Variants in SPATS2 observed in about 807,000 individuals in gnomAD.
SPATS2 encodes the protein spermatogenesis associated serine rich 2.
Under a neutral mutation model 63.7 loss-of-function variants are expected in SPATS2, and 38 were observed. That is an observed-to-expected ratio of 0.60 (90% CI 0.46 to 0.78). The LOEUF (loss-of-function observed/expected upper bound fraction) is 0.78. Among genes scored for constraint, SPATS2 ranks in the 30% least tolerant of loss-of-function variants. The probability of loss-of-function intolerance (pLI) is 0.00; values close to 1 mark genes in which losing one functional copy is unlikely to be tolerated. For synonymous variants in SPATS2, 207 were observed against 232.9 expected (o/e 0.89, Z 1.01); for missense variants, 588 against 666.2 (o/e 0.88, Z 1.29).
At chr12:49,512,142 G>A (rs769128455) in intron 9 of SPATS2, among the ~76,000 whole-genome samples, 1 of 151,962 alleles carries the variant, frequency 6.6e-6, no homozygotes, top group Non-Finnish European at 1.5e-5. Flanking sequence ...ATTCATTTTT[G>A]TATTTTAAAG....
At chr12:49,479,421 G>A (rs897049264) in intron 3 of SPATS2, among the ~76,000 whole-genome samples, 1 of 152,240 alleles carries the variant, frequency 6.6e-6, no homozygotes, top group African/African-American at 2.4e-5. Flanking sequence ...AGCCAGACAA[G>A]CAGGAGCAGG....
At position 49,494,408 on chromosome 12, in the gene SPATS2, T is replaced by C. The variant is rs141569325; in HGVS notation, c.265-333T>C. The stretch of plus-strand genomic sequence containing the variant: ...TTCTATGGGATTATTTTGCTTTTTC[T>C]GAGAACTCTGTATATATTTAGCTCT... On this transcript the variant is annotated intron_variant, in intron 6 of 13. Transcript: ENST00000552918. Among the ~76,000 whole-genome samples, 414 of 152,360 alleles carry C rather than the reference T, an allele frequency of 2.7e-3. 7 individuals carry two copies. Among genetic ancestry groups the C allele is most frequent in the Admixed American group, 0.026 (397 of 15,300 alleles).
chr12:49,474,322 G>T (rs1946084713), intron 3 of SPATS2, among the ~76,000 whole-genome samples: 1 of 152,168 alleles, frequency 6.6e-6, no homozygotes, highest in South Asian at 2.1e-4. Context: ...TAAGAAAAAA[G>T]AATCTGACAG....
chr12:49,405,908 A>T (rs773400758), intron 2 of SPATS2, among the ~76,000 whole-genome samples: 1 of 152,210 alleles, frequency 6.6e-6, no homozygotes, highest in South Asian at 2.1e-4. Flanking sequence ...TTTTGCATAC[A>T]GTTTCTTCCA....
intron 2 of SPATS2, among the ~76,000 whole-genome samples, chr12:49,430,332 C>A (rs1945163849): frequency 6.6e-6 from 1 of 151,830 alleles, no homozygotes; most frequent in Non-Finnish European, 1.5e-5. Flanking sequence ...GAACCCCTGA[C>A]CTGAAATGAT....
At chr12:49,460,627 T>C (rs1945805981) in intron 2 of SPATS2, 143 bp from the exon 3 acceptor site, 1 of 180,736 alleles carries the variant, frequency 5.5e-6, no homozygotes, top group Non-Finnish European at 1.1e-5. Flanking sequence ...AATTCTGCTT[T>C]TCAGCAGCTA....
At position 49,526,070 on chromosome 12, in the gene SPATS2, G is replaced by C. The variant is rs142325466; in HGVS notation, c.1453G>C (p.Gly485Arg). 108 of 1,614,102 alleles carry C rather than the reference G, an allele frequency of 6.7e-5. No individual in the cohort carries two copies. Among genetic ancestry groups the C allele is most frequent in the Admixed American group, 1.0e-4 (6 of 60,012 alleles). ...CAGAAACAGCTCGTGGTATTCATCT[G>C]GTTCCAGGTATCAGAGTGCTCCATC... ...RYRNSSWYSS[G>R]SRYQSAPSQA... Residue 485 changes from glycine (G) to arginine (R), a missense_variant, in exon 14 of 14, where the codon GGT becomes CGT. By Grantham distance (125) the Gly-to-Arg change is moderately radical (BLOSUM62 -2). Transcript: ENST00000552918.
chr12:49,389,650 G>A, intron 2 of SPATS2: 10 of 1,289,102 alleles, frequency 7.8e-6, no homozygotes, highest in Non-Finnish European at 1.0e-5. Context: ...CCACGAAGCA[G>A]TATCAGAAAG....
At chr12:49,491,791 T>C (rs1013336006) in intron 6 of SPATS2, among the ~76,000 whole-genome samples, 3 of 152,210 alleles carry the variant, frequency 2.0e-5, no homozygotes, top group African/African-American at 7.2e-5. Flanking sequence ...TTTCTCCTTA[T>C]TTACTTAAAA....
intron 9 of SPATS2, among the ~76,000 whole-genome samples, chr12:49,503,099 C>T (rs1946591716): frequency 6.6e-6 from 1 of 152,078 alleles, no homozygotes; most frequent in Non-Finnish European, 1.5e-5. Flanking sequence ...ATGCCTGAAT[C>T]CCAGCACTTT....
chr12:49,443,834 C>T (rs2137567328), intron 2 of SPATS2, among the ~76,000 whole-genome samples: 1 of 152,236 alleles, frequency 6.6e-6, no homozygotes, highest in East Asian at 1.9e-4. Context: ...ATTTTGTGCC[C>T]ATTGATATGT....
At chr12:49,487,286 T>G (rs567965005) in intron 4 of SPATS2, among the ~76,000 whole-genome samples, 163 of 152,014 alleles carry the variant, frequency 1.1e-3, no homozygotes, top group South Asian at 7.9e-3. Context: ...AGGTCAGGAG[T>G]TCGAGACCAT....
intron 11 of SPATS2, among the ~76,000 whole-genome samples, chr12:49,522,296 A>T (rs1946954452): frequency 1.3e-5 from 2 of 152,218 alleles, no homozygotes; most frequent in East Asian, 3.8e-4. Flanking sequence ...AAGAAATCCT[A>T]CTTTATTATA....
chr12:49,370,075 G>A (rs1943972464), intron 1 of SPATS2, among the ~76,000 whole-genome samples: 1 of 152,186 alleles, frequency 6.6e-6, no homozygotes, highest in African/African-American at 2.4e-5. Context: ...TAAGACAGGA[G>A]GGAATTTTCG....
chr12:49,499,193 G>T (rs1417504174), intron 8 of SPATS2, among the ~76,000 whole-genome samples: 1 of 152,024 alleles, frequency 6.6e-6, no homozygotes, highest in Non-Finnish European at 1.5e-5. Flanking sequence ...CTTACTTATA[G>T]GTCATATTTT....
intron 3 of SPATS2, among the ~76,000 whole-genome samples, chr12:49,474,544 C>A (rs1946088423): frequency 6.6e-6 from 1 of 152,140 alleles, no homozygotes; most frequent in African/African-American, 2.4e-5. Context: ...AAAACAAAGT[C>A]TTTTATAACA....
intron 2 of SPATS2, among the ~76,000 whole-genome samples, chr12:49,442,848 T>C (rs1945447025): frequency 1.4e-5 from 2 of 144,130 alleles, no homozygotes; most frequent in African/African-American, 2.5e-5. Flanking sequence ...TCACCATTCA[T>C]GTCCAGAACT....
chr12:49,498,145 A>AAT lies in SPATS2; in HGVS notation c.703+1159_703+1160dup, dbSNP rs1555191172. On this transcript the variant is annotated intron_variant, in intron 8 of 13. Transcript: ENST00000552918. ...ATCCAATCAAGCCAAAAAAAAAAAA[A>AAT]ATATATATATATATATATATATATG... is the stretch of plus-strand genomic sequence containing the variant. Among the ~76,000 whole-genome samples the AAT allele has an allele frequency of 9.6e-3, 954 of 98,932 alleles. 8 individuals are homozygous for AAT. The highest frequency in any genetic ancestry group is 0.019 in the Middle Eastern group (4 of 206). 64.9% of individuals were successfully genotyped at this position (98,932 alleles called of 152,430 possible). A position where few individuals can be genotyped will look rare whatever the true frequency, so the allele number is the denominator to read the frequency against.
chr12:49,399,893 C>T (rs1278636381), intron 2 of SPATS2, among the ~76,000 whole-genome samples: 2 of 152,086 alleles, frequency 1.3e-5, no homozygotes, highest in Admixed American at 1.3e-4. Context: ...AAAAATTAGC[C>T]AGGCGTGGTG....
Sources: allele counts gnomAD v4.1 joint callset (sites outside exome capture counted in the v4.1 genomes callset), GRCh38; gene constraint gnomAD v4.1.1; transcripts MANE v1.5; gene names NCBI Gene and HGNC (gene_info 2026-07-23, HGNC 2026-07-21).